The following COL24A1 variants were observed in gnomAD, a reference collection of about 807,000 sequenced individuals.
COL24A1 encodes the protein collagen alpha-1(XXIV) chain.
In COL24A1, 224 loss-of-function variants were observed where a neutral mutation model predicts 253.9. The ratio of observed to expected loss-of-function variants is 0.88; its 90% CI spans 0.79 to 0.99. The LOEUF (loss-of-function observed/expected upper bound fraction) is 0.99. Ranked by LOEUF, COL24A1 falls within the 50% of genes least tolerant of loss-of-function variation. The probability of loss-of-function intolerance (pLI) is 0.00; values close to 1 mark genes in which losing one functional copy is unlikely to be tolerated. For synonymous variants in COL24A1, 685 were observed against 673.7 expected, an observed-to-expected ratio of 1.02 and a Z score of -0.26; for missense variants, 2,131 against 2,068.5, an observed-to-expected ratio of 1.03 and a Z score of -0.59.
intron 43 of COL24A1, among the ~76,000 whole-genome samples, chr1:85,828,752 CT>C (rs1434319805): frequency 7.9e-6 from 1 of 126,626 alleles, no homozygotes; most frequent in Non-Finnish European, 1.8e-5. Flanking sequence ...CAACCCCTGC[CT>C]TTTTTTGTTT....
chr1:85,979,181 G>C (rs1009443074), intron 20 of COL24A1, among the ~76,000 whole-genome samples: 1 of 151,998 alleles, frequency 6.6e-6, no homozygotes, highest in Non-Finnish European at 1.5e-5. Flanking sequence ...ACTGGGATAC[G>C]GCAAAAGCAG....
chr1:86,050,489 G>C (rs1329392400), intron 10 of COL24A1, among the ~76,000 whole-genome samples: 2 of 152,024 alleles, frequency 1.3e-5, no homozygotes, highest in Non-Finnish European at 2.9e-5. Flanking sequence ...ACAGAATGGA[G>C]GTATCAAAAG....
chr1:85,835,913 G>A lies in COL24A1; in HGVS notation c.3681+2672C>T, dbSNP rs1175642155. Among the ~76,000 whole-genome samples, 5 of 152,294 alleles carry A rather than the reference G, an allele frequency of 3.3e-5. No individual in the cohort carries two copies. In the East Asian group the frequency reaches 9.6e-4, roughly 29 times the overall value. On this transcript the variant is annotated intron_variant, in intron 43 of 59. Transcript: ENST00000370571. ...TTAAGCTGAAGCAATCTGAGGAATGGCATGTGCAGAGAGGACTTTCTTACC... is the reference window on the plus strand; with the variant it reads ...TTAAGCTGAAGCAATCTGAGGAATGACATGTGCAGAGAGGACTTTCTTACC...
chr1:85,994,082 G>A (rs1295331953), intron 19 of COL24A1, among the ~76,000 whole-genome samples: 1 of 151,810 alleles, frequency 6.6e-6, no homozygotes, highest in Non-Finnish European at 1.5e-5. Flanking sequence ...TATCCACTGT[G>A]CTTTAAATAT....
chr1:86,015,052 C>T (rs145560829), intron 19 of COL24A1, among the ~76,000 whole-genome samples: 23 of 152,330 alleles, frequency 1.5e-4, no homozygotes, highest in African/African-American at 4.6e-4. Flanking sequence ...AGTTTTCAGG[C>T]TTGGTTTGCT....
chr1:85,938,217 G>A lies in COL24A1; in HGVS notation c.2562+23032C>T, dbSNP rs544951129. Among the ~76,000 whole-genome samples the A allele has an allele frequency of 6.7e-4, 99 of 147,386 alleles. 7 individuals are homozygous for A. Among genetic ancestry groups the A allele is most frequent in the African/African-American group, 1.8e-3 (74 of 40,290 alleles). On this transcript the variant is annotated intron_variant, in intron 24 of 59. Coordinates refer to ENST00000370571, the MANE Select transcript of COL24A1 (RefSeq NM_152890.7). ...ATGGGTCTGAAACCAAAGTGTGGAA[G>A]CAGAATTAGTTCCACTTACTATCAC...
chr1:86,061,679 T>C (rs1701103553), intron 8 of COL24A1, among the ~76,000 whole-genome samples: 1 of 152,040 alleles, frequency 6.6e-6, no homozygotes, highest in South Asian at 2.1e-4. Flanking sequence ...GGCATAAACG[T>C]ATTCTGAGCC....
chr1:85,952,397 A>G (rs959681280), intron 24 of COL24A1, among the ~76,000 whole-genome samples: 5 of 152,244 alleles, frequency 3.3e-5, no homozygotes, highest in Non-Finnish European at 5.9e-5. Context: ...ATGCAAATTA[A>G]TTCATTATGT....
intron 24 of COL24A1, among the ~76,000 whole-genome samples, chr1:85,953,247 C>T (rs1690097970): frequency 6.6e-6 from 1 of 152,150 alleles, no homozygotes; most frequent in Non-Finnish European, 1.5e-5. Context: ...ACCAAAATGC[C>T]ACCCCTCGAC....
At chr1:86,153,526 A>G (rs1021739931) in intron 1 of COL24A1, among the ~76,000 whole-genome samples, 1 of 152,246 alleles carries the variant, frequency 6.6e-6, no homozygotes, top group African/African-American at 2.4e-5. Context: ...AAAATAAGTC[A>G]TAGTTGGAAG....
chr1:85,898,921 T>C (rs1439963313), intron 28 of COL24A1, among the ~76,000 whole-genome samples: 1 of 152,094 alleles, frequency 6.6e-6, no homozygotes, highest in African/African-American at 2.4e-5. Flanking sequence ...GATTGCAAGC[T>C]ATACAAATAA....
rs188227753 is a variant in COL24A1, at chr1:85,944,526, C to G, written c.2562+16723G>C. Among the ~76,000 whole-genome samples the G allele has an allele frequency of 2.0e-5, 3 of 152,190 alleles. No homozygotes were observed. The East Asian group carries it at 5.8e-4, about 29-fold the overall frequency. ...ATTTTCGGATTTGATCTTATGAGAT[C>G]ATAGCCGAAATCCCTCATTAGTACT... On this transcript the variant is annotated intron_variant, in intron 24 of 59. Transcript: ENST00000370571.
chr1:86,046,761 G>A, intron 12 of COL24A1, 64 bp downstream of exon 12: 1 of 1,569,860 alleles, frequency 6.4e-7, no homozygotes, highest in Non-Finnish European at 8.7e-7. Context: ...ATTTTAATAA[G>A]TAAGAACACA....
intron 47 of COL24A1, among the ~76,000 whole-genome samples, chr1:85,798,199 T>C (rs1406892883): frequency 2.4e-5 from 1 of 42,512 alleles, no homozygotes; most frequent in Non-Finnish European, 9.1e-5. Flanking sequence ...CCTGTCTCTA[T>C]TAAAAAAAAA....
At chr1:85,853,372 T>C (rs916959066) in intron 37 of COL24A1, among the ~76,000 whole-genome samples, 1 of 152,192 alleles carries the variant, frequency 6.6e-6, no homozygotes, top group Admixed American at 6.5e-5. Context: ...CAGTCCACTG[T>C]TGATGGAGAT....
At chr1:86,126,532 G>T (rs1648327998) in intron 2 of COL24A1, among the ~76,000 whole-genome samples, 1 of 152,050 alleles carries the variant, frequency 6.6e-6, no homozygotes, top group Non-Finnish European at 1.5e-5. Flanking sequence ...GAGTGCAGCA[G>T]CATGATTATA....
Position 86,063,756 on chromosome 1 carries a change from G to A in COL24A1, c.1711C>T (p.Leu571Phe), listed in dbSNP as rs551147829. The A allele has an allele frequency of 2.0e-4, 312 of 1,543,154 alleles. 4 individuals are homozygous for A. The South Asian group carries it at 3.8e-3, about 19-fold the overall frequency. Residue 571 changes from leucine to phenylalanine, a missense_variant, in exon 8 of 60, where the codon CTC (leucine) becomes TTC (phenylalanine). By Grantham distance (22) the Leu-to-Phe change is conservative. Transcript: ENST00000370571. ...CCTGGGAGTCCAGGATGTCCTTTGA[G>A]ACCCTGTAAAAGAATAAGTGGAGAC... Reference protein sequence around the residue: ...GPPGMQGDKGLKGHPGLPGLP... With the variant: ...GPPGMQGDKGFKGHPGLPGLP...
intron 35 of COL24A1, among the ~76,000 whole-genome samples, chr1:85,873,488 C>A (rs1680774414): frequency 6.6e-6 from 1 of 152,144 alleles, no homozygotes. Flanking sequence ...CACATATACA[C>A]CATGGAATAC....
chr1:85,937,814 T>C lies in COL24A1; in HGVS notation c.2562+23435A>G, dbSNP rs1192207497. Reference sequence around the variant, plus strand: ...TCATTCTGGAAAGGCCAAAGATTTATTCTAGCAGAAATGACATATGCTTTG... The same window carrying C: ...TCATTCTGGAAAGGCCAAAGATTTACTCTAGCAGAAATGACATATGCTTTG... On this transcript the variant is annotated intron_variant, in intron 24 of 59. Coordinates refer to ENST00000370571, the MANE Select transcript of COL24A1 (RefSeq NM_152890.7). Among the ~76,000 whole-genome samples, 2 of 147,716 alleles carry C rather than the reference T, an allele frequency of 1.4e-5. 1 individual carries two copies. The highest frequency in any genetic ancestry group is 3.0e-5 in the Non-Finnish European group (2 of 66,736).
Sources: gnomAD v4.1 joint callset for allele counts (sites outside exome capture counted in the v4.1 genomes callset) on GRCh38, gnomAD v4.1.1 for gene constraint, MANE v1.5 for transcripts, NCBI Gene and HGNC (gene_info 2026-07-23, HGNC 2026-07-21) for gene names.